HHIPL1: variants seen among roughly 807,000 people sequenced by gnomAD.
The protein encoded by HHIPL1 is HHIP like 1, also known as HHIP-like protein 1.
Under a neutral mutation model 61.8 loss-of-function variants are expected in HHIPL1, and 43 were observed. That is an observed-to-expected ratio of 0.70 (90% CI 0.55 to 0.90). HHIPL1 has a LOEUF of 0.90. Ranked by LOEUF, HHIPL1 falls within the 40% of genes least tolerant of loss-of-function variation. The probability of loss-of-function intolerance (pLI) is 0.00; values close to 1 mark genes in which losing one functional copy is unlikely to be tolerated. For missense variants in HHIPL1, 1,056 were observed against 1,157.7 expected (o/e 0.91, Z 1.28); for synonymous variants, 482 against 515.8 (o/e 0.93, Z 0.89).
At chr14:99,624,193 G>A in the HHIPL1 span, among the ~76,000 whole-genome samples, 1 of 152,086 alleles carries the variant, frequency 6.6e-6, no homozygotes, top group East Asian at 1.9e-4. Context: ...TTCGGCCACA[G>A]CACTCAGCCA....
At chr14:99,645,737 T>C (rs1237152475) in intron 1 of HHIPL1, among the ~76,000 whole-genome samples, 1 of 152,210 alleles carries the variant, frequency 6.6e-6, no homozygotes, top group African/African-American at 2.4e-5. Flanking sequence ...GATGATGTCA[T>C]CATTTCCTCA....
At chr14:99,605,157 G>A in the HHIPL1 span, among the ~76,000 whole-genome samples, 2 of 152,314 alleles carry the variant, frequency 1.3e-5, no homozygotes, top group Admixed American at 6.5e-5. Flanking sequence ...CCTGGGATTC[G>A]GGAGATAATC....
chr14:99,643,788 A>G (rs1595142432), upstream of HHIPL1, among the ~76,000 whole-genome samples: 1 of 152,134 alleles, frequency 6.6e-6, no homozygotes, highest in East Asian at 1.9e-4. Flanking sequence ...AAGCCGGGGT[A>G]TTTCTCCTCC....
the HHIPL1 span, among the ~76,000 whole-genome samples, chr14:99,615,948 A>G: frequency 6.6e-6 from 1 of 152,218 alleles, no homozygotes; most frequent in Non-Finnish European, 1.5e-5. Flanking sequence ...CAAGCAAGTC[A>G]AAACAAGGAG....
chr14:99,652,274 G>C lies in HHIPL1; in HGVS notation c.306G>C (p.Thr102=). Residue 102 remains threonine (T), a synonymous_variant, in exon 2 of 9, where the codon ACG becomes ACC. Transcript: ENST00000330710. ...AHLYDAEDPF[T]PLRTVPGLCQ... ...TCTATGACGCCGAGGACCCATTCACGCCCCTGCGCACGGTGCCCGGGCTCT... is the reference window on the plus strand; with the variant it reads ...TCTATGACGCCGAGGACCCATTCACCCCCCTGCGCACGGTGCCCGGGCTCT... The C allele has an allele frequency of 6.2e-7, 1 of 1,613,448 alleles. No individual in the cohort carries two copies.
rs750549417 is a variant in HHIPL1 at position 99,645,412 on chromosome 14, G to C, written c.205G>C (p.Ala69Pro). 5 of 1,394,892 alleles carry C rather than the reference G, an allele frequency of 3.6e-6. No individual in the cohort carries two copies. In the South Asian group the frequency reaches 7.9e-5, roughly 22 times the overall value. The allele number at this position is 1,394,892 out of a possible 1,614,324, so 86.4% of individuals were successfully genotyped here. A position where few individuals can be genotyped will look rare whatever the true frequency, so the allele number is the denominator to read the frequency against. The change falls in exon 1 of 9, where the codon GCC becomes CCC. Residue 69 changes from alanine (A) to proline (P), a missense_variant. Physicochemically the swap from Ala to Pro is conservative, Grantham distance 27. Transcript: ENST00000330710. ...CTGGGCCCTGGCGAGCCGCGTGGACGCCGCCGAGTGGGCCGCGTGCGCCGG... is the reference window on the plus strand; with the variant it reads ...CTGGGCCCTGGCGAGCCGCGTGGACCCCGCCGAGTGGGCCGCGTGCGCCGG... ...RFWALASRVD[A>P]AEWAACAGYA...
At chr14:99,620,919 G>A in the HHIPL1 span, among the ~76,000 whole-genome samples, 1 of 152,200 alleles carries the variant, frequency 6.6e-6, no homozygotes, top group Admixed American at 6.5e-5. Flanking sequence ...TGAGAGTGCG[G>A]ATTCTCTGAA....
chr14:99,675,046 A>G lies in HHIPL1; in HGVS notation c.1814-45A>G. 2.3e-5 allele frequency: 25 copies of G among 1,066,732 alleles called. No homozygotes were observed. The highest frequency in any genetic ancestry group is 2.7e-5 in the Non-Finnish European group (23 of 861,918). 66.1% of individuals were successfully genotyped at this position (1,066,732 alleles called of 1,614,324 possible). ...CACAGGGTGGGCAGCAGGGCTGGAC[A>G]GGGGCGCCTGGGTCCCTCTGACGGC... On this transcript the variant is annotated intron_variant, in intron 8 of 8. Coordinates refer to ENST00000330710, the MANE Select transcript of HHIPL1 (RefSeq NM_001127258.3). The surrounding 1 kb of genome is among the most constrained non-coding windows in gnomAD (Gnocchi z 5.4).
chr14:99,627,220 CCAT>C, the HHIPL1 span, among the ~76,000 whole-genome samples: 1 of 152,020 alleles, frequency 6.6e-6, no homozygotes, highest in East Asian at 1.9e-4. This position sits in a 1 kb window ranked among gnomAD's most constrained non-coding sequence, Gnocchi z 4.4. Context: ...ATCCATCCAT[CCAT>C]CCATCCATCC....
At chr14:99,644,088 C>G (rs1187934093), upstream of HHIPL1, among the ~76,000 whole-genome samples, 3 of 152,190 alleles carry the variant, frequency 2.0e-5, no homozygotes, top group Non-Finnish European at 4.4e-5. Flanking sequence ...TACACTGCAC[C>G]TGTTCAGGCC....
the HHIPL1 span, among the ~76,000 whole-genome samples, chr14:99,615,047 A>C: frequency 6.6e-6 from 1 of 152,174 alleles, no homozygotes; most frequent in Non-Finnish European, 1.5e-5. Context: ...AGTGCGGAGA[A>C]AAGGAATCAG....
At chr14:99,674,001 G>A (rs1307418936) in intron 8 of HHIPL1, among the ~76,000 whole-genome samples, 1 of 151,748 alleles carries the variant, frequency 6.6e-6, no homozygotes, top group African/African-American at 2.4e-5. Context: ...AGTGGGAGAG[G>A]TGAGGCAGCC....
rs1205044397 is a variant in HHIPL1, at chr14:99,645,379, C to G, written c.172C>G (p.Arg58Gly). The G allele has an allele frequency of 1.4e-6, 2 of 1,445,578 alleles. No homozygotes were observed. The highest frequency in any genetic ancestry group is 1.8e-6 in the Non-Finnish European group (2 of 1,103,164). 89.5% of individuals were successfully genotyped at this position (1,445,578 alleles called of 1,614,324 possible). The change falls in exon 1 of 9, where the codon CGC (arginine) becomes GGC (glycine). Residue 58 changes from arginine (R) to glycine (G), a missense_variant. Arg to Gly is a moderately radical substitution (Grantham distance 125, BLOSUM62 -2). Transcript: ENST00000330710. ...TGAGGGGCGCGACGCCGAGCTGACCCGCCGCTTCTGGGCCCTGGCGAGCCG... is the reference window on the plus strand; with the variant it reads ...TGAGGGGCGCGACGCCGAGCTGACCGGCCGCTTCTGGGCCCTGGCGAGCCG... Reference protein sequence around the residue: ...CDEGRDAELTRRFWALASRVD... With the variant: ...CDEGRDAELTGRFWALASRVD...
At chr14:99,630,681 T>C in the HHIPL1 span, among the ~76,000 whole-genome samples, 1 of 152,106 alleles carries the variant, frequency 6.6e-6, no homozygotes, top group South Asian at 2.1e-4. Context: ...GAACAGGACA[T>C]GCGGCCTCCC....
At chr14:99,616,176 T>C in the HHIPL1 span, among the ~76,000 whole-genome samples, 1 of 152,352 alleles carries the variant, frequency 6.6e-6, no homozygotes, top group Non-Finnish European at 1.5e-5. Context: ...TGCCATTGTG[T>C]TACAGTTCCT....
At chr14:99,616,367 T>G in the HHIPL1 span, among the ~76,000 whole-genome samples, 2 of 152,232 alleles carry the variant, frequency 1.3e-5, no homozygotes, top group Non-Finnish European at 2.9e-5. Flanking sequence ...GACACGTGAC[T>G]GTAGCATAAT....
At position 99,668,419 on chromosome 14, in the gene HHIPL1, C is replaced by G; in HGVS notation, c.1730+116C>G. 1 of 689,774 alleles carries G rather than the reference C, an allele frequency of 1.4e-6. No individual in the cohort carries two copies. The allele number at this position is 689,774 out of a possible 1,614,324, so 42.7% of individuals were successfully genotyped here. A position where few individuals can be genotyped will look rare whatever the true frequency, so the allele number is the denominator to read the frequency against. On this transcript the variant is annotated intron_variant, in intron 7 of 8. Transcript: ENST00000330710. This position sits in a 1 kb window ranked among gnomAD's most constrained non-coding sequence, Gnocchi z 4.7. ...GGTGGTATTAATCCCCATTTTCAGA[C>G]AAGAACCCTGAGGCCCAGAGAGGGA...
chr14:99,615,635 G>T, the HHIPL1 span, among the ~76,000 whole-genome samples: 2 of 67,736 alleles, frequency 3.0e-5, no homozygotes, highest in African/African-American at 1.1e-4. Flanking sequence ...GGAAGAAAGA[G>T]AAAGAAAGGA....
chr14:99,645,391 G>A lies in HHIPL1; in HGVS notation c.184G>A (p.Ala62Thr), dbSNP rs978663970. The A allele has an allele frequency of 3.5e-6, 5 of 1,424,878 alleles. No homozygotes were observed. Among genetic ancestry groups the A allele is most frequent in the Non-Finnish European group, 4.6e-6 (5 of 1,091,896 alleles). 88.3% of individuals were successfully genotyped at this position (1,424,878 alleles called of 1,614,324 possible). ...RDAELTRRFW[A>T]LASRVDAAEW... is the part of the protein sequence containing the mutation. ...CGCCGAGCTGACCCGCCGCTTCTGG[G>A]CCCTGGCGAGCCGCGTGGACGCCGC... is the stretch of plus-strand genomic sequence containing the variant. The change falls in exon 1 of 9, where the codon GCC (alanine) becomes ACC (threonine). Residue 62 changes from alanine to threonine, a missense_variant. Coordinates refer to ENST00000330710, the MANE Select transcript of HHIPL1 (RefSeq NM_001127258.3).
Sources: allele counts gnomAD v4.1 joint callset (sites outside exome capture counted in the v4.1 genomes callset), GRCh38; gene constraint gnomAD v4.1.1; non-coding constraint Gnocchi (gnomAD v3.1); transcripts MANE v1.5; gene names NCBI Gene and HGNC (gene_info 2026-07-23, HGNC 2026-07-21).